CCL20: variants seen among roughly 807,000 people sequenced by gnomAD.
The protein encoded by CCL20 is C-C motif chemokine ligand 20, also known as C-C motif chemokine 20.
CCL20 carries 8 observed loss-of-function variants against 10.8 expected under a neutral mutation model. The observed-to-expected ratio is 0.74, with a 90% CI of 0.44 to 1.34. The LOEUF (loss-of-function observed/expected upper bound fraction) is 1.34, where lower values mean the gene tolerates loss of function less well. Ranked by LOEUF, CCL20 falls within the 40% of genes most tolerant of loss-of-function variation. CCL20 has a pLI of 0.01. For synonymous variants in CCL20, 40 were observed against 39.4 expected (o/e 1.02, Z -0.06); for missense variants, 107 against 117.9 (o/e 0.91, Z 0.43).
rs1690010280 is a variant in CCL20, at chr2:227,815,445, T to A, written c.77-9T>A. ...GGATCCAATACCTTTCACTTTTTTT[T>A]TTTTTTAGCAGCAAGCAACTTTGAC... is the stretch of plus-strand genomic sequence containing the variant. On this transcript the variant is annotated splice_polypyrimidine_tract_variant and intron_variant, in intron 1 of 3. Coordinates refer to ENST00000358813, the MANE Select transcript of CCL20 (RefSeq NM_004591.3). The A allele has an allele frequency of 6.9e-7, 1 of 1,448,790 alleles. No individual in the cohort carries two copies. 89.7% of individuals were successfully genotyped at this position (1,448,790 alleles called of 1,614,324 possible). A position where few individuals can be genotyped will look rare whatever the true frequency, so the allele number is the denominator to read the frequency against.
rs763536188 is a variant in CCL20 at position 227,813,965 on chromosome 2, C to A, written c.54C>A (p.Leu18=). ...CTGCTTTGATGTCAGTGCTGCTACT[C>A]CACCTCTGCGGCGAATCAGAAGGTA... is the stretch of plus-strand genomic sequence containing the variant. ...LLAALMSVLL[L]HLCGESEAAS... is the part of the protein sequence containing the mutation. Residue 18 remains leucine (L), a synonymous_variant, in exon 1 of 4, where the codon CTC becomes CTA. Coordinates refer to ENST00000358813, the MANE Select transcript of CCL20 (RefSeq NM_004591.3). 6.2e-7 allele frequency: 1 copy of A among 1,614,002 alleles called. No individual in the cohort carries two copies. The highest frequency in any genetic ancestry group is 8.5e-7 in the Non-Finnish European group (1 of 1,179,846).
intron 3 of CCL20, 41 bp from the exon 4 acceptor site, chr2:227,817,021 C>T (rs1389473046): frequency 6.5e-7 from 1 of 1,535,796 alleles, no homozygotes; most frequent in Admixed American, 1.7e-5. Context: ...CATGCAGTCA[C>T]CTTGTCATTA....
At chr2:227,815,793 T>TA (rs202155807) in intron 2 of CCL20, 2 of 391,164 alleles carry the variant, frequency 5.1e-6, no homozygotes, top group Admixed American at 4.3e-5. Context: ...AAACCTTTTT[T>TA]AAAAATTTTT....
chr2:227,814,758 T>C (rs1256880566), intron 1 of CCL20, among the ~76,000 whole-genome samples: 1 of 116,996 alleles, frequency 8.5e-6, no homozygotes, highest in Non-Finnish European at 1.6e-5. Context: ...TTTTTTTACA[T>C]TTTTTTTTTT....
intron 2 of CCL20, 127 bp from the exon 3 acceptor site, chr2:227,816,180 T>G (rs746395670): frequency 4.7e-5 from 25 of 526,392 alleles, no homozygotes; most frequent in Admixed American, 2.9e-4. Flanking sequence ...TTTGTGCATT[T>G]TATTTTACCT....
At position 227,817,263 on chromosome 2, in the gene CCL20, C is replaced by T. The variant is rs933175338; in HGVS notation, c.*180C>T. The T allele has an allele frequency of 1.5e-5, 7 of 465,072 alleles. No individual in the cohort carries two copies. The highest frequency in any genetic ancestry group is 2.8e-5 in the Non-Finnish European group (7 of 252,380). The allele number at this position is 465,072 out of a possible 1,614,324, so 28.8% of individuals were successfully genotyped here. A position where few individuals can be genotyped will look rare whatever the true frequency, so the allele number is the denominator to read the frequency against. ...TGCATCATAGTTTGCTTTGTTTAAGCATCACATTAAAGTTAAACTGTATTT... is the reference window on the plus strand; with the variant it reads ...TGCATCATAGTTTGCTTTGTTTAAGTATCACATTAAAGTTAAACTGTATTT... On this transcript the variant is annotated 3_prime_UTR_variant, in exon 4 of 4. Coordinates refer to ENST00000358813, the MANE Select transcript of CCL20 (RefSeq NM_004591.3).
In CCL20 at chr2:227,815,031, C is replaced by A. The variant is rs1048251051; in HGVS notation, c.77-423C>A. On this transcript the variant is annotated intron_variant, in intron 1 of 3. Transcript: ENST00000358813. ...TAGTAGCCAGATAATAGATTAAAAT[C>A]TGCCAATTTATTCATTTTCTGCTTT... 2.0e-5 allele frequency among the ~76,000 whole-genome samples: 3 copies of A among 152,134 alleles called. No individual in the cohort carries two copies. In the South Asian group the frequency reaches 6.2e-4, roughly 32 times the overall value.
At chr2:227,814,132 G>T in intron 1 of CCL20, 145 bp downstream of exon 1, 1 of 699,146 alleles carries the variant, frequency 1.4e-6, no homozygotes, top group East Asian at 2.6e-5. Flanking sequence ...GCCCATGGTG[G>T]AGTGGAGGAG....
chr2:227,815,687 C>A (rs1690014597), intron 2 of CCL20, 119 bp downstream of exon 2: 2 of 611,796 alleles, frequency 3.3e-6, no homozygotes, highest in Admixed American at 6.2e-5. Flanking sequence ...AACATAAGAT[C>A]TTATTTTAAA....
intron 3 of CCL20, among the ~76,000 whole-genome samples, 176 bp downstream of exon 3, chr2:227,816,560 CGTT>C (rs1690028182): frequency 6.6e-6 from 1 of 152,104 alleles, no homozygotes; most frequent in Non-Finnish European, 1.5e-5. Context: ...AGATCATCAT[CGTT>C]ATTATTATTT....
Position 227,815,451 on chromosome 2 carries a change from TAGCA to T in CCL20, c.77-2_78del. ...AATACCTTTCACTTTTTTTTTTTTT[TAGCA>T]GCAAGCAACTTTGACTGCTGTCTTG... On this transcript the variant is annotated splice_acceptor_variant and coding_sequence_variant, in exon 2 of 4. Coordinates refer to ENST00000358813, the MANE Select transcript of CCL20 (RefSeq NM_004591.3). LOFTEE classifies it high-confidence loss of function. 2 of 1,503,928 alleles carry T rather than the reference TAGCA, an allele frequency of 1.3e-6. No homozygotes were observed. The highest frequency in any genetic ancestry group is 3.6e-5 in the Admixed American group (2 of 54,836). 93.2% of individuals were successfully genotyped at this position (1,503,928 alleles called of 1,614,324 possible). A position where few individuals can be genotyped will look rare whatever the true frequency, so the allele number is the denominator to read the frequency against.
At chr2:227,815,941 T>G (rs1320631996) in intron 2 of CCL20, 2 of 239,990 alleles carry the variant, frequency 8.3e-6, no homozygotes, top group Non-Finnish European at 1.6e-5. Context: ...AAGTAAAATC[T>G]CAGACTAATT....
intron 2 of CCL20, chr2:227,815,786 C>T (rs1429781215): frequency 2.5e-5 from 10 of 405,506 alleles, no homozygotes; most frequent in South Asian, 5.3e-5. Context: ...TAAGGCAAAA[C>T]CTTTTTTAAA....
At position 227,817,123 on chromosome 2, in the gene CCL20, A is replaced by G; in HGVS notation, c.*40A>G. 1.3e-6 allele frequency: 2 copies of G among 1,543,946 alleles called. No homozygotes were observed. The highest frequency in any genetic ancestry group is 1.8e-6 in the Non-Finnish European group (2 of 1,118,284). ...CTGGAATGGAATTGGACATAGCCCAAGAACAGAAAGAACCTTGCTGGGGTT... is the reference window on the plus strand; with the variant it reads ...CTGGAATGGAATTGGACATAGCCCAGGAACAGAAAGAACCTTGCTGGGGTT... On this transcript the variant is annotated 3_prime_UTR_variant, in exon 4 of 4. Transcript: ENST00000358813.
chr2:227,814,109 A>G, intron 1 of CCL20, 122 bp downstream of exon 1: 1 of 833,370 alleles, frequency 1.2e-6, no homozygotes, highest in Non-Finnish European at 2.0e-6. Context: ...AGAGGTAGTG[A>G]TGGAAGTTGT....
chr2:227,815,815 G>A (rs1439828566), intron 2 of CCL20: 4 of 362,460 alleles, frequency 1.1e-5, no homozygotes, highest in Admixed American at 4.5e-5. Flanking sequence ...TTGGTCAAAC[G>A]GAACTAGTAT....
chr2:227,816,144 T>C (rs1690021411), intron 2 of CCL20, among the ~76,000 whole-genome samples, 163 bp from the exon 3 acceptor site: 1 of 151,962 alleles, frequency 6.6e-6, no homozygotes, highest in Non-Finnish European at 1.5e-5. Context: ...ACTTTGATTT[T>C]GCATTAATCT....
intron 1 of CCL20, 146 bp downstream of exon 1, chr2:227,814,133 A>G (rs1276154396): frequency 4.3e-6 from 3 of 699,524 alleles, no homozygotes; most frequent in Non-Finnish European, 7.6e-6. Flanking sequence ...CCCATGGTGG[A>G]GTGGAGGAGA....
At chr2:227,816,451 C>A (rs368254426) in intron 3 of CCL20, 67 bp downstream of exon 3, 3 of 798,232 alleles carry the variant, frequency 3.8e-6, no homozygotes, top group South Asian at 2.0e-5. Context: ...AGGGGTGGGC[C>A]GTAGGTTTTC....
Sources: gnomAD v4.1 joint callset for allele counts (sites outside exome capture counted in the v4.1 genomes callset) on GRCh38, gnomAD v4.1.1 for gene constraint, MANE v1.5 for transcripts, NCBI Gene and HGNC (gene_info 2026-07-23, HGNC 2026-07-21) for gene names.